RSRC1: variants seen among roughly 807,000 people sequenced by gnomAD.
RSRC1 encodes the protein serine/Arginine-related protein 53.
Under a neutral mutation model 49.1 loss-of-function variants are expected in RSRC1, and 39 were observed. The ratio of observed to expected loss-of-function variants is 0.79; its 90% confidence interval spans 0.61 to 1.04. The LOEUF (loss-of-function observed/expected upper bound fraction) is 1.04. Among genes scored for constraint, RSRC1 ranks in the 50% least tolerant of loss-of-function variants. RSRC1 has a pLI of 0.00. For synonymous variants in RSRC1, 143 were observed against 130.8 expected (o/e 1.09, Z -0.63); for missense variants, 388 against 402.4 (o/e 0.96, Z 0.31).
At chr3:158,217,368 T>G (rs1721998804) in intron 4 of RSRC1, among the ~76,000 whole-genome samples, 1 of 151,712 alleles carries the variant, frequency 6.6e-6, no homozygotes, top group South Asian at 2.1e-4. Context: ...ACTTAACATC[T>G]CTGAGTTTTA....
At chr3:158,144,512 G>T (rs554015523) in intron 3 of RSRC1, among the ~76,000 whole-genome samples, 1 of 152,098 alleles carries the variant, frequency 6.6e-6, no homozygotes, top group Admixed American at 6.5e-5. Flanking sequence ...TATGTGCCAC[G>T]TTTTCTTAAT....
At chr3:158,297,986 TAGAGC>T in intron 4 of RSRC1, 48 bp from the exon 5 acceptor site, 1 of 1,285,868 alleles carries the variant, frequency 7.8e-7, no homozygotes. Context: ...GTAAACAAAT[TAGAGC>T]AGACAAGGAT....
intron 7 of RSRC1, among the ~76,000 whole-genome samples, chr3:158,466,923 G>T (rs934072525): frequency 1.3e-5 from 2 of 152,068 alleles, no homozygotes; most frequent in African/African-American, 4.8e-5. Flanking sequence ...GTCAGGCATG[G>T]TAGTGGCCAT....
At chr3:158,337,391 C>A (rs1010699668) in intron 5 of RSRC1, among the ~76,000 whole-genome samples, 2 of 152,200 alleles carry the variant, frequency 1.3e-5, no homozygotes, top group Non-Finnish European at 2.9e-5. Context: ...GAGTCTCAGA[C>A]TAAGTAACAG....
rs181622330 is a variant in RSRC1, at chr3:158,203,203, A to C, written c.452A>C (p.Lys151Thr). The C allele has an allele frequency of 1.1e-5, 17 of 1,609,894 alleles. No homozygotes were observed. Among genetic ancestry groups the C allele is most frequent in the Admixed American group, 6.7e-5 (4 of 59,424 alleles). Residue 151 changes from lysine to threonine, a missense_variant, in exon 4 of 10, where the codon AAG (lysine) becomes ACG (threonine). Lys to Thr is a moderately conservative substitution (Grantham distance 78, BLOSUM62 -1). Transcript: ENST00000611884. ...GRDKEKREKE[K>T]DKGKDKELHN... Reference sequence around the variant, plus strand: ...GATAAAGAGAAAAGAGAAAAGGAGAAGGATAAAGGGAAGGACAAGGAATTA... The same window carrying C: ...GATAAAGAGAAAAGAGAAAAGGAGACGGATAAAGGGAAGGACAAGGAATTA...
chr3:158,277,964 T>C (rs991599254), intron 4 of RSRC1, among the ~76,000 whole-genome samples: 1 of 152,126 alleles, frequency 6.6e-6, no homozygotes, highest in Non-Finnish European at 1.5e-5. Flanking sequence ...AGGAGCATTT[T>C]TATGTCTACT....
At chr3:158,497,885 A>G (rs1739421518) in intron 7 of RSRC1, among the ~76,000 whole-genome samples, 1 of 152,074 alleles carries the variant, frequency 6.6e-6, no homozygotes, top group African/African-American at 2.4e-5. Flanking sequence ...CTGTTAATTA[A>G]TTCCTTTTTA....
chr3:158,197,390 CTT>C (rs1350724559), intron 3 of RSRC1, among the ~76,000 whole-genome samples: 1 of 152,044 alleles, frequency 6.6e-6, no homozygotes, highest in Admixed American at 6.6e-5. Context: ...ATTCTTCTCT[CTT>C]TTCTTCTTTA....
chr3:158,242,622 C>G (rs1355310482), intron 4 of RSRC1, among the ~76,000 whole-genome samples: 1 of 152,086 alleles, frequency 6.6e-6, no homozygotes, highest in Non-Finnish European at 1.5e-5. Context: ...CAGGAGTTGC[C>G]ACACTGTCTT....
intron 3 of RSRC1, among the ~76,000 whole-genome samples, chr3:158,176,878 A>G (rs1433528332): frequency 1.3e-5 from 2 of 152,130 alleles, no homozygotes. Flanking sequence ...ATGGGAGAAA[A>G]TTTTTGCAAT....
chr3:158,118,462 T>TGCGCGCGCGC (rs1378375739), intron 1 of RSRC1, among the ~76,000 whole-genome samples: 24 of 124,712 alleles, frequency 1.9e-4, no homozygotes, highest in Non-Finnish European at 2.4e-4. Flanking sequence ...TGTGTGTGTG[T>TGCGCGCGCGC]GCGCGTGCGC....
intron 6 of RSRC1, among the ~76,000 whole-genome samples, chr3:158,438,501 C>T (rs1736176114): frequency 6.6e-6 from 1 of 152,112 alleles, no homozygotes; most frequent in Admixed American, 6.6e-5. Context: ...ACAGAGGCCA[C>T]AGAAATAACA....
chr3:158,293,361 A>G (rs1363550240), intron 4 of RSRC1, among the ~76,000 whole-genome samples: 1 of 152,120 alleles, frequency 6.6e-6, no homozygotes, highest in Non-Finnish European at 1.5e-5. Flanking sequence ...TCATTAAAGC[A>G]TTAAACTTGC....
At chr3:158,506,162 A>G (rs551782468) in intron 7 of RSRC1, among the ~76,000 whole-genome samples, 1 of 152,334 alleles carries the variant, frequency 6.6e-6, no homozygotes, top group East Asian at 1.9e-4. Context: ...GTGAAAGACA[A>G]GCTTACAGAA....
chr3:158,515,352 C>A (rs55972555), intron 7 of RSRC1, among the ~76,000 whole-genome samples: 4 of 114,312 alleles, frequency 3.5e-5, no homozygotes, highest in African/African-American at 1.5e-4. Flanking sequence ...TCTCCTTCAC[C>A]TATGAAGCTT....
chr3:158,400,631 T>C (rs943353443), intron 6 of RSRC1, among the ~76,000 whole-genome samples: 4 of 152,030 alleles, frequency 2.6e-5, no homozygotes, highest in Non-Finnish European at 5.9e-5. Flanking sequence ...TCATAGTTTT[T>C]AATAAAAAAG....
At position 158,544,579 on chromosome 3, in the gene RSRC1, G is replaced by A; in HGVS notation, c.*304G>A. ...TGTTTCTTAGTGCAATTCAAAAAATGTCAAGATGTCATTTAAAGACACAAT... is the reference window on the plus strand; with the variant it reads ...TGTTTCTTAGTGCAATTCAAAAAATATCAAGATGTCATTTAAAGACACAAT... On this transcript the variant is annotated 3_prime_UTR_variant, in exon 10 of 10. Transcript: ENST00000611884. 5.5e-6 allele frequency: 1 copy of A among 180,778 alleles called. No homozygotes were observed. The highest frequency in any genetic ancestry group is 1.1e-5 in the Non-Finnish European group (1 of 87,234). 11.2% of individuals were successfully genotyped at this position (180,778 alleles called of 1,614,324 possible).
intron 7 of RSRC1, among the ~76,000 whole-genome samples, chr3:158,515,228 G>C (rs912313846): frequency 6.6e-6 from 1 of 152,062 alleles, no homozygotes. Flanking sequence ...ATTTTGCAGC[G>C]GCTGATATTG....
At chr3:158,342,272 C>T (rs1417717961) in intron 5 of RSRC1, among the ~76,000 whole-genome samples, 3 of 152,126 alleles carry the variant, frequency 2.0e-5, no homozygotes, top group African/African-American at 7.2e-5. Flanking sequence ...GCTGTGTCCC[C>T]ACCAAATCTC....
Sources: allele counts gnomAD v4.1 joint callset (sites outside exome capture counted in the v4.1 genomes callset), GRCh38; gene constraint gnomAD v4.1.1; transcripts MANE v1.5; gene names NCBI Gene and HGNC (gene_info 2026-07-23, HGNC 2026-07-21).